ZNF433: variants seen among roughly 807,000 people sequenced by gnomAD.
ZNF433 encodes the protein zinc finger protein 433.
ZNF433 carries 12 observed loss-of-function variants against 10.6 expected under a neutral mutation model. That is an observed-to-expected ratio of 1.13 (90% confidence interval 0.72 to 1.83). The LOEUF (loss-of-function observed/expected upper bound fraction) is 1.83. Among genes scored for constraint, ZNF433 ranks in the 40% most tolerant of loss-of-function variants. The pLI is 0.00. For missense variants in ZNF433, 737 were observed against 798.0 expected (o/e 0.92, Z 0.92); for synonymous variants, 272 against 271.3 (o/e 1.00, Z -0.02).
At chr19:12,033,826 A>C (rs145395220) in intron 1 of ZNF433, among the ~76,000 whole-genome samples, 17 of 152,296 alleles carry the variant, frequency 1.1e-4, no homozygotes, top group African/African-American at 4.1e-4. Flanking sequence ...TGTCTCCAAA[A>C]AAAAACAAAA....
At chr19:12,031,425 G>T (rs59805519) in intron 1 of ZNF433, among the ~76,000 whole-genome samples, 81 of 152,080 alleles carry the variant, frequency 5.3e-4, no homozygotes, top group Non-Finnish European at 1.5e-5. Context: ...AAGAAGGGGC[G>T]GATCACTTGA....
chr19:12,021,802 C>T (rs1974507391), intron 1 of ZNF433: 3 of 358,988 alleles, frequency 8.4e-6, no homozygotes, highest in Non-Finnish European at 1.8e-5. Flanking sequence ...ACCTCCCACT[C>T]ACAAAACCAA....
In ZNF433 at chr19:12,015,759, T is replaced by C. The variant is rs770232475; in HGVS notation, c.1099A>G (p.Ile367Val). The C allele has an allele frequency of 5.6e-6, 9 of 1,613,490 alleles. No homozygotes were observed. In the South Asian group the frequency reaches 9.9e-5, roughly 18 times the overall value. Residue 367 changes from isoleucine to valine, a missense_variant, in exon 4 of 4, where the codon ATA becomes GTA. Physicochemically the swap from Ile to Val is conservative, Grantham distance 29. Transcript: ENST00000550507. ...GGAGAATAAAAGGCTTTCCCACATA[T>C]CTTACATTTATGAGATATCTCTCCA... The part of the protein sequence containing the change: ...HTGEISHKCK[I>V]CGKAFYSPSS...
chr19:12,021,251 G>A (rs1298866135), intron 1 of ZNF433, among the ~76,000 whole-genome samples: 2 of 152,056 alleles, frequency 1.3e-5, no homozygotes, highest in African/African-American at 4.8e-5. Flanking sequence ...AAAGTGCTGG[G>A]ATTACAGCTG....
At position 12,016,625 on chromosome 19, in the gene ZNF433, T is replaced by C. The variant is rs773535020; in HGVS notation, c.233A>G (p.Gln78Arg). The C allele has an allele frequency of 6.8e-6, 11 of 1,614,068 alleles. No homozygotes were observed. The highest frequency in any genetic ancestry group is 8.5e-6 in the Non-Finnish European group (10 of 1,180,038). ...AACCTGGGTCAAAATTTCTCCATGC[T>C]GATGACCTTCTTTACTTTCAAAGAG... is the stretch of plus-strand genomic sequence containing the variant. ...ERLFESKEGHQHGEILTQVPD... is the reference protein window; with the variant it reads ...ERLFESKEGHRHGEILTQVPD... Residue 78 changes from glutamine (Q) to arginine (R), a missense_variant, in exon 4 of 4, where the codon CAG becomes CGG. Physicochemically the swap from Gln to Arg is conservative, Grantham distance 43. Transcript: ENST00000550507.
rs760018615 is a variant in ZNF433 at position 12,015,441 on chromosome 19, T to G, written c.1417A>C (p.Lys473Gln). 19 of 1,614,078 alleles carry G rather than the reference T, an allele frequency of 1.2e-5. No homozygotes were observed. In the South Asian group the frequency reaches 2.0e-4, roughly 17 times the overall value. The change falls in exon 4 of 4, where the codon AAG (lysine) becomes CAG (glutamine). Residue 473 changes from lysine to glutamine, a missense_variant. Transcript: ENST00000550507. ...CCATAACCCTTACATTCATACGGCTTCTCTTCTCTGTGCATCCTTTCATGT... is the reference window on the plus strand; with the variant it reads ...CCATAACCCTTACATTCATACGGCTGCTCTTCTCTGTGCATCCTTTCATGT... ...QIHERMHREE[K>Q]PYECKGYGKT...
Position 12,015,670 on chromosome 19 carries a change from A to T in ZNF433, c.1188T>A (p.Cys396Ter). The T allele has an allele frequency of 1.2e-6, 2 of 1,613,970 alleles. No homozygotes were observed. Among genetic ancestry groups the T allele is most frequent in the Non-Finnish European group, 1.7e-6 (2 of 1,179,984 alleles). Residue 396 changes from cysteine (C) to a stop codon, truncating the protein, a stop_gained, in exon 4 of 4, where the codon TGT becomes TGA. Transcript: ENST00000550507. LOFTEE classifies it low-confidence loss of function (END_TRUNC). ...AACTGGAAGAATTAAAGGCTTTACC[A>T]CATTGGTTGCATTTATAGGGTTTCT... ...TGEKPYKCNQCGKAFNSSSSF... is the reference protein window; with the variant it reads ...TGEKPYKCNQ
intron 1 of ZNF433, among the ~76,000 whole-genome samples, chr19:12,031,267 G>C (rs1315176905): frequency 7.1e-6 from 1 of 140,580 alleles, no homozygotes; most frequent in African/African-American, 2.8e-5. Flanking sequence ...CTGCACTCCA[G>C]CTTGTTGATA....
chr19:12,026,628 T>C (rs765965122), intron 1 of ZNF433: 11 of 446,250 alleles, frequency 2.5e-5, no homozygotes, highest in Non-Finnish European at 4.0e-5. Context: ...TCTGCTCCTA[T>C]AATTGAGGCA....
chr19:12,030,847 G>A (rs1253620389), intron 1 of ZNF433, among the ~76,000 whole-genome samples: 2 of 152,218 alleles, frequency 1.3e-5, no homozygotes, highest in African/African-American at 4.8e-5. Context: ...TGGAGGTGGA[G>A]GCAGGATTAC....
Position 12,035,554 on chromosome 19 carries a change from G to A in ZNF433, c.-15C>T, listed in dbSNP as rs1477402514. ...ACGCTCACCATTTCTTGCCTTTCAG[G>A]TGACTCCCACGACCAGTGCGGGTCA... On this transcript the variant is annotated 5_prime_UTR_variant, in exon 1 of 4. Coordinates refer to ENST00000550507, the MANE Select transcript of ZNF433 (RefSeq NM_001308348.2). 1 of 1,570,854 alleles carries A rather than the reference G, an allele frequency of 6.4e-7. No individual in the cohort carries two copies. The highest frequency in any genetic ancestry group is 8.6e-7 in the Non-Finnish European group (1 of 1,158,142).
intron 1 of ZNF433, among the ~76,000 whole-genome samples, chr19:12,020,355 G>T (rs1974425304): frequency 1.3e-5 from 2 of 152,102 alleles, no homozygotes; most frequent in South Asian, 4.1e-4. Context: ...ATATGAAGTG[G>T]TGCTCAACAT....
chr19:12,016,096 A>G lies in ZNF433; in HGVS notation c.762T>C (p.Asn254=). Residue 254 remains asparagine, a synonymous_variant, in exon 4 of 4, where the codon AAT becomes AAC. Transcript: ENST00000550507. ...AACTATGGAATGCTTTCCCACATTC[A>G]TTACATTTATAAGGCTTCTCCCCAG... ...THTGEKPYKC[N]ECGKAFHSST... 1 of 1,613,058 alleles carries G rather than the reference A, an allele frequency of 6.2e-7. No individual in the cohort carries two copies. The highest frequency in any genetic ancestry group is 8.5e-7 in the Non-Finnish European group (1 of 1,179,726).
chr19:12,016,182 T>C lies in ZNF433; in HGVS notation c.676A>G (p.Lys226Glu), dbSNP rs760218538. 1 of 1,614,214 alleles carries C rather than the reference T, an allele frequency of 6.2e-7. No individual in the cohort carries two copies. The highest frequency in any genetic ancestry group is 8.5e-7 in the Non-Finnish European group (1 of 1,180,032). The change falls in exon 4 of 4, where the codon AAA becomes GAA. Residue 226 changes from lysine (K) to glutamate (E), a missense_variant. Transcript: ENST00000550507. ...TGACTAAAGGCTTTACCACACTGTT[T>C]ACATTGATATGGTTTCTCTCCAGTG... ...THTGEKPYQC[K>E]QCGKAFSHSS...
rs561772504 is a variant in ZNF433 at position 12,016,153 on chromosome 19, A to T, written c.705T>A (p.Ser235=). 2.5e-6 allele frequency: 4 copies of T among 1,613,980 alleles called. No homozygotes were observed. The South Asian group carries it at 4.4e-5, about 18-fold the overall frequency. ...TTCTTTCATGTATTCGAAGGCTACT[A>T]GAATGACTAAAGGCTTTACCACACT... ...CKQCGKAFSH[S]SSLRIHERTH... The change falls in exon 4 of 4, where the codon TCT becomes TCA. Residue 235 remains serine, a synonymous_variant. Transcript: ENST00000550507.
intron 1 of ZNF433, chr19:12,026,167 G>A (rs1386576930): frequency 6.5e-6 from 1 of 154,458 alleles, no homozygotes; most frequent in African/African-American, 2.4e-5. Flanking sequence ...ATAACTTGGG[G>A]TAGAGGTTAT....
At chr19:12,030,086 A>G in intron 1 of ZNF433, 2 of 318,088 alleles carry the variant, frequency 6.3e-6, no homozygotes, top group South Asian at 2.6e-5. Flanking sequence ...CATCTCAAAA[A>G]AAAAAAAAAA....
At chr19:12,020,564 G>A (rs1478642006) in intron 1 of ZNF433, among the ~76,000 whole-genome samples, 2 of 152,178 alleles carry the variant, frequency 1.3e-5, no homozygotes, top group Non-Finnish European at 2.9e-5. Context: ...TTTCGAGAGA[G>A]GAGTGAGTGT....
chr19:12,021,682 T>C (rs1974500590), intron 1 of ZNF433, among the ~76,000 whole-genome samples: 1 of 152,192 alleles, frequency 6.6e-6, no homozygotes, highest in Non-Finnish European at 1.5e-5. Context: ...ACATTTTCAA[T>C]ACAATCTCTC....
Sources: allele counts gnomAD v4.1 joint callset (sites outside exome capture counted in the v4.1 genomes callset), GRCh38; gene constraint gnomAD v4.1.1; transcripts MANE v1.5; gene names NCBI Gene and HGNC (gene_info 2026-07-23, HGNC 2026-07-21).